The following SV2C variants were observed in gnomAD, a reference collection of about 807,000 sequenced individuals.
The protein encoded by SV2C is synaptic vesicle glycoprotein 2C, also known as solute carrier family 22 member B3.
SV2C carries 49 observed loss-of-function variants against 79.7 expected under a neutral mutation model. The ratio of observed to expected loss-of-function variants is 0.61; its 90% CI spans 0.49 to 0.78. The LOEUF is 0.78. SV2C is among the 30% of genes least tolerant of loss of function. The pLI, the probability that SV2C is intolerant of heterozygous loss-of-function variation, is 0.00. For synonymous variants in SV2C, 334 were observed against 333.2 expected (o/e 1.00, Z -0.03); for missense variants, 833 against 912.9 (o/e 0.91, Z 1.13).
the SV2C span, among the ~76,000 whole-genome samples, chr5:76,048,813 GAA>G: frequency 0.025 from 3,065 of 122,730 alleles, 150 homozygotes; most frequent in African/African-American, 0.088. Flanking sequence ...TCCAGATTGT[GAA>G]AAAAAAAAAA....
chr5:76,159,857 A>G (rs188901882), intron 2 of SV2C, among the ~76,000 whole-genome samples: 3 of 152,264 alleles, frequency 2.0e-5, no homozygotes, highest in East Asian at 3.9e-4. Context: ...TGGGGGATAC[A>G]ATCCAAACAT....
intron 1 of SV2C, among the ~76,000 whole-genome samples, chr5:76,094,732 T>C (rs1414227880): frequency 6.6e-6 from 1 of 152,142 alleles, no homozygotes; most frequent in African/African-American, 2.4e-5. Context: ...ACACCTTCTG[T>C]ATATCTTCTC....
chr5:76,230,851 CAT>C (rs1232066247), intron 4 of SV2C, among the ~76,000 whole-genome samples: 4 of 152,084 alleles, frequency 2.6e-5, no homozygotes, highest in East Asian at 1.9e-4. Context: ...AAAGGAATAA[CAT>C]AGTCCTGGAC....
intron 1 of SV2C, among the ~76,000 whole-genome samples, chr5:76,087,291 C>T (rs1051543584): frequency 6.6e-6 from 1 of 152,128 alleles, no homozygotes; most frequent in Non-Finnish European, 1.5e-5. Context: ...TTCTGTTGAT[C>T]ACCTAATGTG....
At chr5:75,898,703 T>C in the SV2C span, among the ~76,000 whole-genome samples, 1 of 152,198 alleles carries the variant, frequency 6.6e-6, no homozygotes, top group Non-Finnish European at 1.5e-5. Context: ...GGTCCTGGAC[T>C]CTTTTTGGTT....
the SV2C span, among the ~76,000 whole-genome samples, chr5:75,902,652 G>T: frequency 6.6e-6 from 1 of 152,162 alleles, no homozygotes; most frequent in Non-Finnish European, 1.5e-5. Flanking sequence ...GTTTGCCATA[G>T]CCATGGAAGA....
At chr5:75,852,036 G>A in the SV2C span, among the ~76,000 whole-genome samples, 1 of 152,140 alleles carries the variant, frequency 6.6e-6, no homozygotes, top group Non-Finnish European at 1.5e-5. Context: ...GATTGCAACA[G>A]AAGCACTGGT....
the SV2C span, among the ~76,000 whole-genome samples, chr5:75,892,638 T>G: frequency 3.3e-5 from 5 of 152,138 alleles, no homozygotes; most frequent in African/African-American, 1.2e-4. Context: ...TTTATGTCCA[T>G]GTGTACCCAT....
At chr5:76,095,097 C>A (rs185983148) in intron 1 of SV2C, among the ~76,000 whole-genome samples, 186 of 151,606 alleles carry the variant, frequency 1.2e-3, no homozygotes, top group Middle Eastern at 3.4e-3. Flanking sequence ...ATAATTGGGT[C>A]TATACTCCAT....
chr5:76,302,570 C>T (rs1182430561), intron 12 of SV2C, among the ~76,000 whole-genome samples: 1 of 137,934 alleles, frequency 7.2e-6, no homozygotes, highest in East Asian at 2.2e-4. Flanking sequence ...GCGGAGGTTG[C>T]AGTTAGCCAA....
chr5:76,224,637 A>C (rs775813690), intron 4 of SV2C, among the ~76,000 whole-genome samples: 1 of 152,202 alleles, frequency 6.6e-6, no homozygotes, highest in Non-Finnish European at 1.5e-5. Flanking sequence ...GATACTTACA[A>C]TTTTGTGGAA....
chr5:76,278,196 A>G (rs531151776), intron 4 of SV2C, among the ~76,000 whole-genome samples: 1 of 151,994 alleles, frequency 6.6e-6, no homozygotes, highest in East Asian at 1.9e-4. Flanking sequence ...GTGTTCAACA[A>G]ACATTAAAAG....
At chr5:76,315,215 C>A (rs780102376) in intron 12 of SV2C, among the ~76,000 whole-genome samples, 42 of 151,864 alleles carry the variant, frequency 2.8e-4, no homozygotes, top group Non-Finnish European at 5.0e-4. Flanking sequence ...CACACACACA[C>A]ACACATAATA....
the SV2C span, among the ~76,000 whole-genome samples, chr5:75,899,763 A>T: frequency 0.029 from 4,349 of 152,150 alleles, 198 homozygotes; most frequent in African/African-American, 0.095. Context: ...TATTGGGTGC[A>T]TATATATTTA....
the SV2C span, among the ~76,000 whole-genome samples, chr5:76,011,722 T>C: frequency 3.9e-5 from 6 of 152,236 alleles, no homozygotes; most frequent in African/African-American, 1.4e-4. Context: ...TAACCCGTCA[T>C]CTACGCTAGG....
At chr5:76,153,646 T>C (rs2112234610) in intron 2 of SV2C, among the ~76,000 whole-genome samples, 1 of 152,152 alleles carries the variant, frequency 6.6e-6, no homozygotes, top group East Asian at 1.9e-4. Flanking sequence ...ACCAAGGAGA[T>C]TCAAAAGAAG....
At chr5:76,053,864 T>C in the SV2C span, among the ~76,000 whole-genome samples, 6 of 152,134 alleles carry the variant, frequency 3.9e-5, no homozygotes, top group Admixed American at 3.9e-4. Flanking sequence ...GCCCTACAAA[T>C]CTCATAGGCT....
Position 76,301,540 on chromosome 5 carries a change from C to A in SV2C, c.1995C>A (p.Asp665Glu). Residue 665 changes from aspartate to glutamate, a missense_variant, in exon 12 of 13, where the codon GAC becomes GAA. By Grantham distance (45) the Asp-to-Glu change is conservative. Coordinates refer to ENST00000502798, the MANE Select transcript of SV2C (RefSeq NM_014979.4). ...DVVTVELYPT[D>E]RRATGFGFLN... ...TCACTGTGGAACTGTACCCCACAGA[C>A]CGGAGGTATGTTGAAATGGGCCTCT... is the stretch of plus-strand genomic sequence containing the variant. 1.2e-6 allele frequency: 2 copies of A among 1,612,068 alleles called. No homozygotes were observed. The highest frequency in any genetic ancestry group is 1.7e-6 in the Non-Finnish European group (2 of 1,178,844).
At chr5:76,162,134 A>G (rs779278459) in intron 2 of SV2C, among the ~76,000 whole-genome samples, 12 of 152,184 alleles carry the variant, frequency 7.9e-5, no homozygotes, top group Non-Finnish European at 1.5e-4. Flanking sequence ...GGTTAATAAG[A>G]TTATAGCAAC....
Sources: gnomAD v4.1 joint callset for allele counts (sites outside exome capture counted in the v4.1 genomes callset) on GRCh38, gnomAD v4.1.1 for gene constraint, MANE v1.5 for transcripts, NCBI Gene and HGNC (gene_info 2026-07-23, HGNC 2026-07-21) for gene names.